LRRIQ3: variants seen among roughly 807,000 people sequenced by gnomAD.
LRRIQ3 encodes leucine-rich repeat and IQ domain-containing protein 3.
In LRRIQ3, 75 loss-of-function variants were observed where a neutral mutation model predicts 59.3. The observed-to-expected ratio is 1.26, with a 90% CI of 1.05 to 1.53. LRRIQ3 has a LOEUF of 1.53. Ranked by LOEUF, LRRIQ3 falls within the 40% of genes most tolerant of loss-of-function variation. LRRIQ3 has a pLI of 0.00. For missense variants in LRRIQ3, 831 were observed against 710.0 expected (o/e 1.17, Z -1.94); for synonymous variants, 250 against 231.3 (o/e 1.08, Z -0.73).
At position 74,149,947 on chromosome 1, in the gene LRRIQ3, T is replaced by C. The variant is rs370233352; in HGVS notation, c.707+5786A>G. Among the ~76,000 whole-genome samples the C allele has an allele frequency of 2.2e-3, 339 of 152,328 alleles. 4 individuals are homozygous for C. The highest frequency in any genetic ancestry group is 7.6e-3 in the African/African-American group (317 of 41,578). Reference sequence around the variant, plus strand: ...TGATCAGATAAAAGACCCTATTTCTTAGCTGCCAGTGTACCCATACAACTA... The same window carrying C: ...TGATCAGATAAAAGACCCTATTTCTCAGCTGCCAGTGTACCCATACAACTA... On this transcript the variant is annotated intron_variant, in intron 4 of 7. Coordinates refer to ENST00000354431, the MANE Select transcript of LRRIQ3 (RefSeq NM_001105659.2).
intron 6 of LRRIQ3, among the ~76,000 whole-genome samples, chr1:74,049,925 C>CTTTTTTTT (rs1343000738): frequency 9.7e-6 from 1 of 102,794 alleles, no homozygotes; most frequent in Non-Finnish European, 2.1e-5. Context: ...TCTTTTTTTT[C>CTTTTTTTT]TTTTTTTTTT....
chr1:74,100,056 GGGCAATCA>G (rs1460450929), intron 5 of LRRIQ3, among the ~76,000 whole-genome samples: 1 of 152,082 alleles, frequency 6.6e-6, no homozygotes, highest in Non-Finnish European at 1.5e-5. Flanking sequence ...GTTCTGGCCA[GGGCAATCA>G]GGCAGGAGAA....
At chr1:74,143,214 G>A (rs1047138384) in intron 4 of LRRIQ3, among the ~76,000 whole-genome samples, 8 of 151,810 alleles carry the variant, frequency 5.3e-5, no homozygotes, top group Non-Finnish European at 1.0e-4. Context: ...TAAGATGAAC[G>A]GGAGACACTA....
chr1:74,115,904 G>T lies in LRRIQ3; in HGVS notation c.708-6351C>A, dbSNP rs1646770620. On this transcript the variant is annotated intron_variant, in intron 4 of 7. Transcript: ENST00000354431. Reference sequence around the variant, plus strand: ...CAACTAAGAATGTTCTAAAAGAGAAGAAAAACAAGACTTGATGACAAAAAC... The same window carrying T: ...CAACTAAGAATGTTCTAAAAGAGAATAAAAACAAGACTTGATGACAAAAAC... Among the ~76,000 whole-genome samples, 8 of 151,666 alleles carry T rather than the reference G, an allele frequency of 5.3e-5. No individual in the cohort carries two copies. The South Asian group carries it at 1.7e-3, about 32-fold the overall frequency.
rs535847932 is a variant in LRRIQ3, at chr1:74,094,729, G to A, written c.867+14665C>T. Among the ~76,000 whole-genome samples the A allele has an allele frequency of 2.6e-5, 4 of 152,172 alleles. No individual in the cohort carries two copies. In the South Asian group the frequency reaches 8.3e-4, roughly 32 times the overall value. On this transcript the variant is annotated intron_variant, in intron 5 of 7. Coordinates refer to ENST00000354431, the MANE Select transcript of LRRIQ3 (RefSeq NM_001105659.2). ...GCTAAAATTTGGGGATGCTATTAGA[G>A]AGGAAGAGAGATATGATAGATATTA...
At chr1:74,129,705 A>G (rs1646984861) in intron 4 of LRRIQ3, among the ~76,000 whole-genome samples, 1 of 152,034 alleles carries the variant, frequency 6.6e-6, no homozygotes, top group Admixed American at 6.6e-5. Flanking sequence ...ATCTGAAGCC[A>G]GTATGTCTCT....
rs1262059825 is a variant in LRRIQ3, at chr1:74,137,274, A to G, written c.707+18459T>C. On this transcript the variant is annotated intron_variant, in intron 4 of 7. Coordinates refer to ENST00000354431, the MANE Select transcript of LRRIQ3 (RefSeq NM_001105659.2). ...CATAACCAACATCTTTCTATATACT[A>G]TAAAAATAGATATGAACAGACACTT... 3.3e-5 allele frequency among the ~76,000 whole-genome samples: 5 copies of G among 151,862 alleles called. No homozygotes were observed. The East Asian group carries it at 9.7e-4, about 29-fold the overall frequency.
At chr1:74,048,265 T>C (rs955322869) in intron 6 of LRRIQ3, among the ~76,000 whole-genome samples, 5 of 152,180 alleles carry the variant, frequency 3.3e-5, no homozygotes, top group Non-Finnish European at 5.9e-5. Flanking sequence ...CTCAGAGACA[T>C]TGATCACCCT....
intron 6 of LRRIQ3, among the ~76,000 whole-genome samples, chr1:74,062,011 G>C (rs1435406911): frequency 6.6e-6 from 1 of 152,130 alleles, no homozygotes; most frequent in African/African-American, 2.4e-5. Flanking sequence ...TCCAGCCTGG[G>C]AGACAGAGTG....
chr1:74,054,739 A>AAT (rs143015235), intron 6 of LRRIQ3, among the ~76,000 whole-genome samples: 12,612 of 141,538 alleles, frequency 0.089, 739 homozygotes, highest in African/African-American at 0.14. Flanking sequence ...AGAAAACACA[A>AAT]ATATATATAT....
chr1:74,147,212 GGTAAGACTC>G (rs1395157101), intron 4 of LRRIQ3, among the ~76,000 whole-genome samples: 1 of 152,060 alleles, frequency 6.6e-6, no homozygotes, highest in African/African-American at 2.4e-5. Context: ...CTGGACTACA[GGTAAGACTC>G]TGCATCAAAA....
chr1:74,148,260 T>A (rs950465252), intron 4 of LRRIQ3, among the ~76,000 whole-genome samples: 1 of 152,196 alleles, frequency 6.6e-6, no homozygotes, highest in African/African-American at 2.4e-5. Flanking sequence ...ATGCTTTGAC[T>A]TTGAATCTGG....
intron 3 of LRRIQ3, among the ~76,000 whole-genome samples, chr1:74,161,778 C>T (rs749886119): frequency 1.3e-5 from 2 of 151,846 alleles, no homozygotes; most frequent in Non-Finnish European, 2.9e-5. Context: ...ATGAGTGTCC[C>T]TTCCAGAGAA....
At chr1:74,064,640 C>T (rs1271667530) in intron 6 of LRRIQ3, among the ~76,000 whole-genome samples, 1 of 151,986 alleles carries the variant, frequency 6.6e-6, no homozygotes, top group Non-Finnish European at 1.5e-5. Flanking sequence ...GGAATGGTTT[C>T]ATTTCACCTT....
intron 6 of LRRIQ3, among the ~76,000 whole-genome samples, chr1:74,045,612 G>A (rs2100400895): frequency 6.6e-6 from 1 of 152,172 alleles, no homozygotes; most frequent in African/African-American, 2.4e-5. Flanking sequence ...TCTGGCCAGG[G>A]CAATCAGACA....
At chr1:74,157,844 C>A (rs1415425265) in intron 3 of LRRIQ3, among the ~76,000 whole-genome samples, 1 of 152,152 alleles carries the variant, frequency 6.6e-6, no homozygotes, top group African/African-American at 2.4e-5. Context: ...TGAACACTCA[C>A]TTTTGTGCTA....
At chr1:74,086,036 C>A (rs1449232508) in intron 5 of LRRIQ3, among the ~76,000 whole-genome samples, 1 of 152,090 alleles carries the variant, frequency 6.6e-6, no homozygotes, top group Non-Finnish European at 1.5e-5. Flanking sequence ...AGAGACCCCA[C>A]TCTCTTTCCA....
At chr1:74,037,692 GGCA>G (rs1346960057) in intron 7 of LRRIQ3, among the ~76,000 whole-genome samples, 1 of 152,080 alleles carries the variant, frequency 6.6e-6, no homozygotes, top group African/African-American at 2.4e-5. Context: ...GAACTGACTA[GGCA>G]GCTGGTATGA....
intron 4 of LRRIQ3, among the ~76,000 whole-genome samples, chr1:74,121,452 C>T (rs1211084217): frequency 6.6e-6 from 1 of 152,104 alleles, no homozygotes; most frequent in Non-Finnish European, 1.5e-5. Flanking sequence ...CCCTTATGGG[C>T]AAGACTATGT....
Sources: gnomAD v4.1 joint callset for allele counts (sites outside exome capture counted in the v4.1 genomes callset) on GRCh38, gnomAD v4.1.1 for gene constraint, MANE v1.5 for transcripts, NCBI Gene and HGNC (gene_info 2026-07-23, HGNC 2026-07-21) for gene names.